AASDH: variants seen among roughly 807,000 people sequenced by gnomAD.
The protein encoded by AASDH is beta-alanine-activating enzyme.
AASDH carries 81 observed loss-of-function variants against 102.3 expected under a neutral mutation model. That is an observed-to-expected ratio of 0.79 (90% CI 0.66 to 0.95). The LOEUF is 0.95. AASDH is among the 40% of genes least tolerant of loss of function. The pLI is 0.00. For missense variants in AASDH, 1,203 were observed against 1,266.2 expected (o/e 0.95, Z 0.76); for synonymous variants, 398 against 454.0 (o/e 0.88, Z 1.57).
rs1553923960 is a variant in AASDH, at chr4:56,338,310, C to CATCTTCT, written c.*91_*92insAGAAGAT. Reference sequence around the variant, plus strand: ...TTCCGTTTCTTAGCCAAAATATAATCTTCTTTAATATAAAATAAGTCCACA... The same window carrying CATCTTCT: ...TTCCGTTTCTTAGCCAAAATATAATCATCTTCTTTCTTTAATATAAAATAAGTCCACA... On this transcript the variant is annotated 3_prime_UTR_variant, in exon 15 of 15. Transcript: ENST00000205214. 6.6e-6 allele frequency: 9 copies of CATCTTCT among 1,360,690 alleles called. No individual in the cohort carries two copies. Among genetic ancestry groups the CATCTTCT allele is most frequent in the Non-Finnish European group, 8.0e-6 (8 of 1,002,578 alleles). The allele number at this position is 1,360,690 out of a possible 1,614,324, so 84.3% of individuals were successfully genotyped here.
chr4:56,378,365 C>T lies in AASDH; in HGVS notation c.451G>A (p.Val151Met), dbSNP rs1226219266. 1.2e-6 allele frequency: 2 copies of T among 1,613,806 alleles called. No homozygotes were observed. The highest frequency in any genetic ancestry group is 1.7e-5 in the Admixed American group (1 of 59,996). The change falls in exon 4 of 15, where the codon GTG becomes ATG. Residue 151 changes from valine to methionine, a missense_variant. Physicochemically the swap from Val to Met is conservative, Grantham distance 21. Coordinates refer to ENST00000205214, the MANE Select transcript of AASDH (RefSeq NM_181806.4). ...LFRLHWKNTE[V>M]NLMLNDGKEK... Reference sequence around the variant, plus strand: ...TTTCCATCATTTAGCATCAAGTTCACCTCAGTATTTTTCCAGTGAAGTCTG... The same window carrying T: ...TTTCCATCATTTAGCATCAAGTTCATCTCAGTATTTTTCCAGTGAAGTCTG...
chr4:56,351,760 T>C (rs1333193342), intron 9 of AASDH, among the ~76,000 whole-genome samples: 5 of 151,834 alleles, frequency 3.3e-5, no homozygotes, highest in African/African-American at 1.2e-4. Flanking sequence ...AGCAAGACCC[T>C]GTCTCTACAG....
rs1387691550 is a variant in AASDH, at chr4:56,346,876, C to T, written c.2489-1586G>A. Among the ~76,000 whole-genome samples the T allele has an allele frequency of 2.0e-5, 3 of 151,978 alleles. No homozygotes were observed. In the East Asian group the frequency reaches 5.8e-4, roughly 29 times the overall value. On this transcript the variant is annotated intron_variant, in intron 11 of 14. Coordinates refer to ENST00000205214, the MANE Select transcript of AASDH (RefSeq NM_181806.4). ...TGGACAACACACAGAAGCTCTGTCT[C>T]TACAAAAATTACAAACATTAGCCAG...
At chr4:56,385,506 T>C (rs1207511514) in intron 1 of AASDH, among the ~76,000 whole-genome samples, 1 of 152,210 alleles carries the variant, frequency 6.6e-6, no homozygotes, top group African/African-American at 2.4e-5. Context: ...ATTCACAGTG[T>C]TTCCTTAAAG....
Position 56,353,496 on chromosome 4 carries a change from T to A in AASDH, c.1484A>T (p.Glu495Val). 2 of 1,613,866 alleles carry A rather than the reference T, an allele frequency of 1.2e-6. No individual in the cohort carries two copies. Among genetic ancestry groups the A allele is most frequent in the Non-Finnish European group, 1.7e-6 (2 of 1,179,896 alleles). ...TTTCTGCAGTTCTTTAAAGATGTAT[T>A]CTTTTACTGAAGCATCTTTAGACAC... is the stretch of plus-strand genomic sequence containing the variant. ...FMVSKDASVK[E>V]YIFKELQKYL... The change falls in exon 9 of 15, where the codon GAA becomes GTA. Residue 495 changes from glutamate (E) to valine (V), a missense_variant. Coordinates refer to ENST00000205214, the MANE Select transcript of AASDH (RefSeq NM_181806.4).
At chr4:56,358,919 C>T (rs957472595) in intron 5 of AASDH, among the ~76,000 whole-genome samples, 1 of 152,136 alleles carries the variant, frequency 6.6e-6, no homozygotes, top group Non-Finnish European at 1.5e-5. Flanking sequence ...CAATCTCCAA[C>T]CATTGAGTTG....
intron 5 of AASDH, among the ~76,000 whole-genome samples, chr4:56,370,620 A>G (rs60762197): frequency 8.9e-4 from 135 of 152,228 alleles, no homozygotes; most frequent in African/African-American, 3.2e-3. Context: ...TGAGAGATCA[A>G]ATCTCCTGAT....
At chr4:56,368,613 GCA>G (rs559893894) in intron 5 of AASDH, among the ~76,000 whole-genome samples, 47 of 150,346 alleles carry the variant, frequency 3.1e-4, no homozygotes, top group Middle Eastern at 3.5e-3. Context: ...GCAAACTATT[GCA>G]AGGACAAAAA....
intron 5 of AASDH, among the ~76,000 whole-genome samples, chr4:56,368,990 A>G (rs1445558165): frequency 1.3e-5 from 2 of 152,164 alleles, no homozygotes; most frequent in African/African-American, 4.8e-5. Flanking sequence ...CACAAAGGAA[A>G]GGACAGCCTG....
chr4:56,359,055 T>A (rs1749974068), intron 5 of AASDH, among the ~76,000 whole-genome samples: 2 of 152,058 alleles, frequency 1.3e-5, no homozygotes, highest in African/African-American at 2.4e-5. Context: ...ATACTGACAA[T>A]CTTATCCTTA....
At chr4:56,361,410 A>C (rs1167826429) in intron 5 of AASDH, among the ~76,000 whole-genome samples, 1 of 152,168 alleles carries the variant, frequency 6.6e-6, no homozygotes, top group Non-Finnish European at 1.5e-5. Flanking sequence ...TTCCATCTCA[A>C]AAAAATAAAA....
rs772861392 is a variant in AASDH, at chr4:56,354,146, T to C, written c.1276A>G (p.Thr426Ala). The change falls in exon 8 of 15, where the codon ACA (threonine) becomes GCA (alanine). Residue 426 changes from threonine to alanine, a missense_variant. By Grantham distance (58) the Thr-to-Ala change is moderately conservative. Transcript: ENST00000205214. Reference protein sequence around the residue: ...VTVPLGTMRATGDFVTVKDGE... With the variant: ...VTVPLGTMRAAGDFVTVKDGE... ...TCTTTCACAGTCACAAAGTCTCCTG[T>C]AGCTCGCATTGTGCCAAGTGGTACT... The C allele has an allele frequency of 2.5e-6, 4 of 1,612,856 alleles. No homozygotes were observed. The East Asian group carries it at 6.7e-5, about 27-fold the overall frequency.
chr4:56,371,775 T>A, intron 4 of AASDH, 132 bp from the exon 5 acceptor site: 1 of 784,190 alleles, frequency 1.3e-6, no homozygotes. Context: ...TCTCTTAAAT[T>A]AGCCAAAATG....
chr4:56,355,426 G>A lies in AASDH; in HGVS notation c.862-3C>T, dbSNP rs747778261. 4 of 1,604,858 alleles carry A rather than the reference G, an allele frequency of 2.5e-6. No individual in the cohort carries two copies. The highest frequency in any genetic ancestry group is 1.1e-5 in the South Asian group (1 of 89,046). ...CTTCTAAGCAATGTTGGTGTTGCCT[G>A]TAGATACATTAAAAATAATTTATTT... On this transcript the variant is annotated splice_region_variant and splice_polypyrimidine_tract_variant and intron_variant, in intron 5 of 14. Coordinates refer to ENST00000205214, the MANE Select transcript of AASDH (RefSeq NM_181806.4).
At chr4:56,356,317 G>T in intron 5 of AASDH, 1 of 1,409,226 alleles carries the variant, frequency 7.1e-7, no homozygotes, top group Non-Finnish European at 9.9e-7. Flanking sequence ...GCTCTATCAG[G>T]TTGCAGCGGC....
intron 1 of AASDH, among the ~76,000 whole-genome samples, chr4:56,384,568 GGGA>G (rs1753334393): frequency 6.6e-6 from 1 of 152,118 alleles, no homozygotes; most frequent in South Asian, 2.1e-4. Flanking sequence ...AAAAAAATTT[GGGA>G]GGGCAGTGGT....
chr4:56,338,858 T>C, intron 14 of AASDH, 67 bp from the exon 15 acceptor site: 2 of 1,443,034 alleles, frequency 1.4e-6, no homozygotes, highest in Non-Finnish European at 1.9e-6. Flanking sequence ...CTTAAAGCTC[T>C]ATGAGGTTCT....
intron 7 of AASDH, among the ~76,000 whole-genome samples, chr4:56,354,420 T>C (rs1292386885): frequency 6.6e-6 from 1 of 152,178 alleles, no homozygotes; most frequent in Non-Finnish European, 1.5e-5. Flanking sequence ...TTAAAATTTA[T>C]GGAATTAAAA....
intron 5 of AASDH, among the ~76,000 whole-genome samples, chr4:56,362,188 C>G (rs962906327): frequency 1.3e-5 from 2 of 152,238 alleles, no homozygotes; most frequent in East Asian, 1.9e-4. Flanking sequence ...TTTTTCCCCC[C>G]ACAGTAACTC....
Sources: gnomAD v4.1 joint callset for allele counts (sites outside exome capture counted in the v4.1 genomes callset) on GRCh38, gnomAD v4.1.1 for gene constraint, MANE v1.5 for transcripts, NCBI Gene and HGNC (gene_info 2026-07-23, HGNC 2026-07-21) for gene names.